CASZ1: variants seen among roughly 807,000 people sequenced by gnomAD.
CASZ1 encodes the protein zinc finger protein castor homolog 1.
Under a neutral mutation model 135.2 loss-of-function variants are expected in CASZ1, and 28 were observed. That is an observed-to-expected ratio of 0.21 (90% CI 0.15 to 0.28). The LOEUF (loss-of-function observed/expected upper bound fraction) is 0.28. CASZ1 is among the 10% of genes least tolerant of loss of function. The probability of loss-of-function intolerance (pLI) is 1.00; values close to 1 mark genes in which losing one functional copy is unlikely to be tolerated. For missense variants in CASZ1, 2,161 were observed against 2,453.3 expected, an observed-to-expected ratio of 0.88 and a Z score of 2.52; for synonymous variants, 1,068 against 1,073.4, an observed-to-expected ratio of 0.99 and a Z score of 0.10.
chr1:10,685,457 C>T lies in CASZ1; in HGVS notation c.16+8417G>A, dbSNP rs1191509054. The stretch of plus-strand genomic sequence containing the variant: ...CACTCATCTAGGCCCATTCCCAAGA[C>T]GCATTTCCCAGCCAAAGGGTTCCCC... On this transcript the variant is annotated intron_variant, in intron 4 of 20. Coordinates refer to ENST00000377022, the MANE Select transcript of CASZ1 (RefSeq NM_001079843.3). Among the ~76,000 whole-genome samples the T allele has an allele frequency of 2.6e-5, 4 of 152,242 alleles. 1 individual carries two copies. The highest frequency in any genetic ancestry group is 1.9e-4 in the East Asian group (1 of 5,204).
intron 2 of CASZ1, among the ~76,000 whole-genome samples, chr1:10,752,344 C>T (rs866302026): frequency 5.3e-5 from 8 of 152,324 alleles, no homozygotes; most frequent in Middle Eastern, 6.8e-3. Flanking sequence ...CAGGTGGCCT[C>T]CTCTGGAGAG....
intron 15 of CASZ1, chr1:10,648,502 C>T: frequency 4.2e-6 from 1 of 238,202 alleles, no homozygotes. Context: ...GCAGGCTTCC[C>T]CGCGGGCTAC....
chr1:10,659,308 A>G (rs1226006988), intron 6 of CASZ1, among the ~76,000 whole-genome samples: 2 of 142,818 alleles, frequency 1.4e-5, no homozygotes, highest in African/African-American at 2.8e-5. Context: ...AAAGCCTGTC[A>G]TGGGCAGATG....
chr1:10,772,091 A>G (rs1332739246), intron 1 of CASZ1, among the ~76,000 whole-genome samples: 1 of 152,220 alleles, frequency 6.6e-6, no homozygotes, highest in Non-Finnish European at 1.5e-5. Context: ...CTGCAGGAAC[A>G]AGGTGAGGAG....
chr1:10,758,857 A>G (rs572927019), intron 2 of CASZ1, among the ~76,000 whole-genome samples: 2 of 152,302 alleles, frequency 1.3e-5, no homozygotes, highest in South Asian at 4.1e-4. Flanking sequence ...GGGCTAAGTG[A>G]GGAGGGACTT....
At chr1:10,649,501 G>T in intron 13 of CASZ1, 64 bp from the exon 14 acceptor site, 2 of 1,523,274 alleles carry the variant, frequency 1.3e-6, no homozygotes, top group Non-Finnish European at 8.9e-7. Context: ...GGCAGCCTGG[G>T]GAGCAACAGC....
Position 10,755,513 on chromosome 1 carries a change from C to T in CASZ1, c.-77+5188G>A, listed in dbSNP as rs1240194179. On this transcript the variant is annotated intron_variant, in intron 2 of 20. Transcript: ENST00000377022. This position sits in a 1 kb window ranked among gnomAD's most constrained non-coding sequence, Gnocchi z 4.3. ...GTTGTCCCATCCTTTGGATCAACTGCGTCACCCGCCGAGAAGTCCCCCGAG... is the reference window on the plus strand; with the variant it reads ...GTTGTCCCATCCTTTGGATCAACTGTGTCACCCGCCGAGAAGTCCCCCGAG... Among the ~76,000 whole-genome samples, 1 of 152,146 alleles carries T rather than the reference C, an allele frequency of 6.6e-6. No homozygotes were observed. Among genetic ancestry groups the T allele is most frequent in the Non-Finnish European group, 1.5e-5 (1 of 68,018 alleles).
At chr1:10,744,807 C>T (rs1394351503) in intron 2 of CASZ1, among the ~76,000 whole-genome samples, 1 of 152,204 alleles carries the variant, frequency 6.6e-6, no homozygotes. Flanking sequence ...TTCATCCTGA[C>T]AGCTCTTATT....
intron 2 of CASZ1, among the ~76,000 whole-genome samples, chr1:10,745,341 T>C (rs1640018873): frequency 1.3e-5 from 2 of 152,126 alleles, no homozygotes; most frequent in African/African-American, 4.8e-5. Context: ...AGGCCAAGAA[T>C]TGGAAGAATC....
At chr1:10,749,499 G>A (rs140391083) in intron 2 of CASZ1, among the ~76,000 whole-genome samples, 9,186 of 152,096 alleles carry the variant, frequency 0.06, 340 homozygotes, top group Non-Finnish European at 0.091. Flanking sequence ...CACCCACCTC[G>A]GCCTCCCAAA....
intron 18 of CASZ1, among the ~76,000 whole-genome samples, chr1:10,644,496 G>C (rs1327112756): frequency 6.6e-6 from 1 of 152,114 alleles, no homozygotes; most frequent in South Asian, 2.1e-4. Flanking sequence ...ATGGATGAAT[G>C]GAAGAACAAA....
chr1:10,657,093 A>G lies in CASZ1; in HGVS notation c.1410-357T>C, dbSNP rs959417855. ...ACTCCCAGCCCGCCCAGTTCTGGCCAGGTGCAGAGACCCTGGCTGGGCCAG... is the reference window on the plus strand; with the variant it reads ...ACTCCCAGCCCGCCCAGTTCTGGCCGGGTGCAGAGACCCTGGCTGGGCCAG... On this transcript the variant is annotated intron_variant, in intron 7 of 20. Transcript: ENST00000377022. The surrounding 1 kb of genome is among the most constrained non-coding windows in gnomAD (Gnocchi z 5.7). Among the ~76,000 whole-genome samples the G allele has an allele frequency of 2.0e-5, 3 of 152,210 alleles. No homozygotes were observed.
At chr1:10,659,662 G>T in intron 6 of CASZ1, 40 bp downstream of exon 6, 1 of 1,533,910 alleles carries the variant, frequency 6.5e-7, no homozygotes, top group Non-Finnish European at 9.0e-7. Context: ...GTCTAGTCTG[G>T]CTCCTGGCTC....
At chr1:10,765,505 G>A (rs1383662759) in intron 1 of CASZ1, among the ~76,000 whole-genome samples, 2 of 152,114 alleles carry the variant, frequency 1.3e-5, no homozygotes, top group Non-Finnish European at 2.9e-5. Flanking sequence ...CACGGCCCAC[G>A]ACGGGTACGC....
rs1196354559 is a variant in CASZ1 at position 10,720,764 on chromosome 1, A to G, written c.-76-15220T>C. On this transcript the variant is annotated intron_variant, in intron 2 of 20. Transcript: ENST00000377022. The surrounding 1 kb of genome is among the most constrained non-coding windows in gnomAD (Gnocchi z 5.7). The stretch of plus-strand genomic sequence containing the variant: ...GAAGGGCGTAGGGAAGCCCAAGGTC[A>G]GAGAGTGGGGAGGAAGTGGACGCCG... Among the ~76,000 whole-genome samples the G allele has an allele frequency of 6.6e-6, 1 of 152,208 alleles. No individual in the cohort carries two copies. The highest frequency in any genetic ancestry group is 2.4e-5 in the African/African-American group (1 of 41,460).
At chr1:10,791,487 T>C (rs1640954260) in intron 1 of CASZ1, among the ~76,000 whole-genome samples, 1 of 152,158 alleles carries the variant, frequency 6.6e-6, no homozygotes, top group Non-Finnish European at 1.5e-5. Context: ...AGCAAATTCC[T>C]CCAGGTTCCT....
chr1:10,775,504 G>A (rs963891435), intron 1 of CASZ1, among the ~76,000 whole-genome samples: 5 of 152,188 alleles, frequency 3.3e-5, no homozygotes, highest in African/African-American at 1.2e-4. Context: ...GCCTGGGTTG[G>A]AAGGGAGAGG....
In CASZ1 at chr1:10,756,012, G is replaced by C. The variant is rs1420178247; in HGVS notation, c.-77+4689C>G. ...GGCGGAAAGCAGAAAAACCTCCCAC[G>C]CGTGCACAGATGCACACGCCTCCCA... On this transcript the variant is annotated intron_variant, in intron 2 of 20. Coordinates refer to ENST00000377022, the MANE Select transcript of CASZ1 (RefSeq NM_001079843.3). The surrounding 1 kb of genome is among the most constrained non-coding windows in gnomAD (Gnocchi z 5.9). Among the ~76,000 whole-genome samples, 1 of 152,024 alleles carries C rather than the reference G, an allele frequency of 6.6e-6. No individual in the cohort carries two copies. The highest frequency in any genetic ancestry group is 2.4e-5 in the African/African-American group (1 of 41,386).
At chr1:10,659,312 G>A (rs1642913756) in intron 6 of CASZ1, among the ~76,000 whole-genome samples, 1 of 139,178 alleles carries the variant, frequency 7.2e-6, no homozygotes, top group African/African-American at 3.0e-5. Context: ...CCTGTCATGG[G>A]CAGATGGGGT....
Sources: gnomAD v4.1 joint callset for allele counts (sites outside exome capture counted in the v4.1 genomes callset) on GRCh38, gnomAD v4.1.1 for gene constraint, Gnocchi (gnomAD v3.1) non-coding constraint, MANE v1.5 for transcripts, NCBI Gene and HGNC (gene_info 2026-07-23, HGNC 2026-07-21) for gene names.